The following FANCB variants were observed in gnomAD, a reference collection of about 807,000 sequenced individuals.
FANCB encodes FA complementation group B, also known as Fanconi anemia group B protein.
FANCB carries 5 observed loss-of-function variants against 38.9 expected under a neutral mutation model. The observed-to-expected ratio is 0.13, with a 90% confidence interval of 0.07 to 0.27. The LOEUF (loss-of-function observed/expected upper bound fraction) is 0.27. Ranked by LOEUF, FANCB falls within the 10% of genes least tolerant of loss-of-function variation. FANCB has a pLI of 1.00. For missense variants in FANCB, 573 were observed against 602.7 expected, an observed-to-expected ratio of 0.95 and a Z score of 0.52; for synonymous variants, 236 against 215.4, an observed-to-expected ratio of 1.10 and a Z score of -0.84.
At chrX:14,784,345 A>C in the FANCB span, among the ~76,000 whole-genome samples, 6 of 112,181 alleles carry the variant, frequency 5.3e-5, no homozygotes, top group Non-Finnish European at 7.5e-5. Context: ...GAGGTCCTAG[A>C]GGATAATTCA....
chrX:14,804,145 A>G, the FANCB span, among the ~76,000 whole-genome samples: 1 of 112,056 alleles, frequency 8.9e-6, no homozygotes. Context: ...TATATACCCA[A>G]AGGACTATAA....
the FANCB span, among the ~76,000 whole-genome samples, chrX:14,724,154 GTA>G: frequency 3.6e-5 from 4 of 111,461 alleles, no homozygotes; most frequent in East Asian, 2.8e-4. Flanking sequence ...ATTCGTATAT[GTA>G]TATGTGTGTA....
At chrX:14,724,359 C>G in the FANCB span, among the ~76,000 whole-genome samples, 4 of 110,465 alleles carry the variant, frequency 3.6e-5, no homozygotes, top group Non-Finnish European at 7.6e-5. Flanking sequence ...GGCATGGTGG[C>G]TCACACCTGT....
At chrX:14,810,364 C>T in the FANCB span, among the ~76,000 whole-genome samples, 2 of 112,001 alleles carry the variant, frequency 1.8e-5, no homozygotes, top group Admixed American at 1.9e-4. Context: ...GATCAAACTA[C>T]TCTGAGCTAC....
downstream of FANCB, among the ~76,000 whole-genome samples, chrX:14,838,582 A>G (rs1439177742): frequency 9.0e-6 from 1 of 111,000 alleles, no homozygotes; most frequent in East Asian, 2.8e-4. Flanking sequence ...TCCTATTGGG[A>G]TAATTTGTAA....
chrX:14,862,261 T>G (rs2092449973), intron 3 of FANCB: 1 of 111,511 alleles, frequency 9.0e-6, no homozygotes, highest in African/African-American at 3.3e-5. Context: ...CTTGTAGATA[T>G]CAGGGTGAAT....
At chrX:14,809,387 C>T in the FANCB span, among the ~76,000 whole-genome samples, 1,552 of 112,529 alleles carry the variant, frequency 0.014, 25 homozygotes, top group African/African-American at 0.041. Flanking sequence ...CATTGCCTCA[C>T]TCGGGCAGCG....
chrX:14,721,379 T>G, the FANCB span, among the ~76,000 whole-genome samples: 5 of 111,495 alleles, frequency 4.5e-5, no homozygotes, highest in African/African-American at 1.6e-4. Flanking sequence ...GTTAATTACC[T>G]TGAGTTAATC....
chrX:14,718,416 T>G, the FANCB span, among the ~76,000 whole-genome samples: 2 of 112,353 alleles, frequency 1.8e-5, no homozygotes, highest in Non-Finnish European at 3.8e-5. Flanking sequence ...AGTGTAATAT[T>G]TGGCACAACG....
At chrX:14,799,692 C>A in the FANCB span, among the ~76,000 whole-genome samples, 1 of 111,766 alleles carries the variant, frequency 8.9e-6, no homozygotes, top group South Asian at 3.7e-4. Flanking sequence ...GAGAAAGCTT[C>A]TATCAAATCA....
At chrX:14,865,628 A>G in intron 2 of FANCB, 48 bp from the exon 3 acceptor site, 3 of 529,122 alleles carry the variant, frequency 5.7e-6, no homozygotes, top group East Asian at 3.6e-5. Flanking sequence ...AAGGGTTGAA[A>G]AGAAAACACG....
chrX:14,831,675 A>T (rs1467657826), downstream of FANCB, among the ~76,000 whole-genome samples: 1 of 111,578 alleles, frequency 9.0e-6, no homozygotes, highest in Non-Finnish European at 1.9e-5. Flanking sequence ...TTTGATCTTC[A>T]TTCTAAAAGT....
At chrX:14,732,312 C>T in the FANCB span, among the ~76,000 whole-genome samples, 1 of 111,780 alleles carries the variant, frequency 8.9e-6, no homozygotes. Flanking sequence ...AGTTCCAAGT[C>T]TTGGCTATTG....
intron 6 of FANCB, among the ~76,000 whole-genome samples, chrX:14,851,177 G>T (rs181139990): frequency 8.9e-6 from 1 of 112,000 alleles, no homozygotes; most frequent in Admixed American, 9.4e-5. Context: ...ACATTCGAAA[G>T]AGTAGTAATA....
the FANCB span, among the ~76,000 whole-genome samples, chrX:14,808,001 T>C: frequency 2.7e-5 from 3 of 111,489 alleles, no homozygotes; most frequent in African/African-American, 9.8e-5. Context: ...ACATACAACC[T>C]ACCAAGATGG....
At chrX:14,872,371 C>T (rs912019842) in intron 1 of FANCB, among the ~76,000 whole-genome samples, 5 of 112,190 alleles carry the variant, frequency 4.5e-5, no homozygotes, top group Non-Finnish European at 9.4e-5. Flanking sequence ...ATTGTATGCG[C>T]AACTATTTTC....
chrX:14,790,573 T>C, the FANCB span, among the ~76,000 whole-genome samples: 1 of 112,267 alleles, frequency 8.9e-6, no homozygotes, highest in African/African-American at 3.2e-5. Context: ...TAGAAAAATA[T>C]ACTTTCTCAT....
At chrX:14,785,653 T>C in the FANCB span, among the ~76,000 whole-genome samples, 1 of 112,164 alleles carries the variant, frequency 8.9e-6, no homozygotes, top group East Asian at 2.8e-4. Context: ...CAGCAGCATA[T>C]GTTGACCAGA....
chrX:14,861,973 T>C (rs751065449), intron 3 of FANCB, among the ~76,000 whole-genome samples: 36 of 112,039 alleles, frequency 3.2e-4, no homozygotes, highest in African/African-American at 1.0e-3. Context: ...GCCTCCTGAG[T>C]AGCTGGGACT....
Sources: gnomAD v4.1 joint callset for allele counts (sites outside exome capture counted in the v4.1 genomes callset) on GRCh38, gnomAD v4.1.1 for gene constraint, MANE v1.5 for transcripts, NCBI Gene and HGNC (gene_info 2026-07-23, HGNC 2026-07-21) for gene names.